MACROD2: variants seen among roughly 807,000 people sequenced by gnomAD.
The protein encoded by MACROD2 is mono-ADP ribosylhydrolase 2, also known as ADP-ribose glycohydrolase MACROD2.
In MACROD2, 36 loss-of-function variants were observed where a neutral mutation model predicts 70.4. The ratio of observed to expected loss-of-function variants is 0.51; its 90% CI spans 0.39 to 0.68. The LOEUF (loss-of-function observed/expected upper bound fraction) is 0.68. Among genes scored for constraint, MACROD2 ranks in the 30% least tolerant of loss-of-function variants. The pLI is 0.00. For synonymous variants in MACROD2, 172 were observed against 178.8 expected, an observed-to-expected ratio of 0.96 and a Z score of 0.30; for missense variants, 496 against 538.4, an observed-to-expected ratio of 0.92 and a Z score of 0.78.
rs78548394 is a variant in MACROD2 at position 15,098,332 on chromosome 20, C to G, written c.419-131608C>G. 5.8e-4 allele frequency among the ~76,000 whole-genome samples: 89 copies of G among 152,258 alleles called. No individual in the cohort carries two copies. The East Asian group carries it at 0.017, about 28-fold the overall frequency. On this transcript the variant is annotated intron_variant, in intron 5 of 17. Coordinates refer to ENST00000684519, the MANE Select transcript of MACROD2 (RefSeq NM_001351661.2). ...GGATAGGGCTCTGTGATGATTCCAA[C>G]CTTTCTCACCTGAATTTGGGTGGCG...
In MACROD2 at chr20:15,531,079, A is replaced by T. The variant is rs538384867; in HGVS notation, c.645+31232A>T. ...ATAATTTTAAATATTAATAATTAAG[A>T]ATAGAGCAAGTGCTGCTGCCATTTA... On this transcript the variant is annotated intron_variant, in intron 8 of 17. Transcript: ENST00000684519. Among the ~76,000 whole-genome samples the T allele has an allele frequency of 2.0e-5, 3 of 151,620 alleles. No homozygotes were observed. In the South Asian group the frequency reaches 6.2e-4, roughly 31 times the overall value.
intron 3 of MACROD2, chr20:14,127,812 GAGA>G (rs2054671391): frequency 2.2e-6 from 1 of 462,324 alleles, no homozygotes; most frequent in African/African-American, 2.0e-5. Context: ...AGAGAAAGGA[GAGA>G]AGGAGAAAAA....
chr20:15,983,508 C>T (rs906515562), intron 13 of MACROD2, among the ~76,000 whole-genome samples: 5 of 152,132 alleles, frequency 3.3e-5, no homozygotes, highest in African/African-American at 1.2e-4. Context: ...TTCAGGTCTC[C>T]AAGGAATGCT....
chr20:14,945,742 C>T (rs1281730116), intron 5 of MACROD2, among the ~76,000 whole-genome samples: 1 of 152,026 alleles, frequency 6.6e-6, no homozygotes, highest in South Asian at 2.1e-4. Flanking sequence ...TAGCAAAGTA[C>T]TTGCATGGAA....
intron 6 of MACROD2, among the ~76,000 whole-genome samples, chr20:15,281,574 T>A (rs2077444868): frequency 6.6e-6 from 1 of 152,142 alleles, no homozygotes; most frequent in South Asian, 2.1e-4. Flanking sequence ...TCCAAAATTA[T>A]CTCCTTTAAC....
intron 8 of MACROD2, among the ~76,000 whole-genome samples, chr20:15,859,321 A>G (rs2064393590): frequency 1.3e-5 from 2 of 152,158 alleles, no homozygotes; most frequent in African/African-American, 2.4e-5. Flanking sequence ...TTTTACTGAA[A>G]AAAATCCACA....
At chr20:15,989,255 G>A (rs1187059272) in intron 15 of MACROD2, among the ~76,000 whole-genome samples, 1 of 152,118 alleles carries the variant, frequency 6.6e-6, no homozygotes, top group Non-Finnish European at 1.5e-5. Context: ...TGAATCTGTA[G>A]AAAGTCACAT....
chr20:15,663,432 C>T (rs1337026944), intron 8 of MACROD2, among the ~76,000 whole-genome samples: 1 of 151,882 alleles, frequency 6.6e-6, no homozygotes, highest in Non-Finnish European at 1.5e-5. Flanking sequence ...GAAAGGGTTT[C>T]ACCATGTTGC....
chr20:14,717,910 G>T (rs1027967759), intron 5 of MACROD2, among the ~76,000 whole-genome samples: 1 of 152,048 alleles, frequency 6.6e-6, no homozygotes, highest in Admixed American at 6.5e-5. Flanking sequence ...AGAAATAATT[G>T]TTCTCCCTAA....
chr20:14,080,502 A>G (rs980163174), intron 2 of MACROD2, among the ~76,000 whole-genome samples: 8 of 152,004 alleles, frequency 5.3e-5, no homozygotes, highest in African/African-American at 1.9e-4. Flanking sequence ...TTCCAGTAAA[A>G]CAAACTCAAA....
At chr20:15,093,715 G>T (rs1185177976) in intron 5 of MACROD2, among the ~76,000 whole-genome samples, 2 of 152,060 alleles carry the variant, frequency 1.3e-5, no homozygotes, top group Non-Finnish European at 2.9e-5. Flanking sequence ...TCATTCTGAT[G>T]ACATATACTT....
At chr20:14,559,757 A>G (rs1003837745) in intron 4 of MACROD2, among the ~76,000 whole-genome samples, 3 of 151,864 alleles carry the variant, frequency 2.0e-5, no homozygotes, top group African/African-American at 4.8e-5. Context: ...TCTCCATTCT[A>G]TAAGTTGACT....
In MACROD2 at chr20:14,982,347, T is replaced by C. The variant is rs148157811; in HGVS notation, c.419-247593T>C. On this transcript the variant is annotated intron_variant, in intron 5 of 17. Coordinates refer to ENST00000684519, the MANE Select transcript of MACROD2 (RefSeq NM_001351661.2). Reference sequence around the variant, plus strand: ...GAAAATTCCATTTTCTGAGGAGAAATTCAAGCTGGCTGCAGAAATTTGCAT... The same window carrying C: ...GAAAATTCCATTTTCTGAGGAGAAACTCAAGCTGGCTGCAGAAATTTGCAT... Among the ~76,000 whole-genome samples the C allele has an allele frequency of 3.5e-3, 537 of 152,220 alleles. 2 individuals are homozygous for C. Among genetic ancestry groups the C allele is most frequent in the African/African-American group, 0.012 (503 of 41,532 alleles).
intron 3 of MACROD2, among the ~76,000 whole-genome samples, chr20:14,305,450 C>A (rs1413820255): frequency 6.6e-6 from 1 of 152,004 alleles, no homozygotes; most frequent in Non-Finnish European, 1.5e-5. Context: ...GTGGAAGAGA[C>A]TGACTTGGAA....
chr20:15,329,506 G>A (rs781478321), intron 6 of MACROD2, among the ~76,000 whole-genome samples: 3 of 152,032 alleles, frequency 2.0e-5, no homozygotes, highest in Non-Finnish European at 2.9e-5. Flanking sequence ...GGAAGGCAGA[G>A]GTGAGAGGAC....
chr20:14,713,497 C>CAGAG (rs2071361749), intron 5 of MACROD2, among the ~76,000 whole-genome samples: 1 of 152,132 alleles, frequency 6.6e-6, no homozygotes, highest in South Asian at 2.1e-4. Flanking sequence ...GTTTTACCAC[C>CAGAG]TAATATATGT....
intron 8 of MACROD2, among the ~76,000 whole-genome samples, chr20:15,689,073 G>A (rs768190262): frequency 6.6e-6 from 1 of 152,244 alleles, no homozygotes; most frequent in African/African-American, 2.4e-5. Context: ...GGAGGCCAAG[G>A]CAGGCAGATC....
intron 8 of MACROD2, among the ~76,000 whole-genome samples, chr20:15,747,950 T>C (rs2051209566): frequency 6.6e-6 from 1 of 152,188 alleles, no homozygotes; most frequent in Non-Finnish European, 1.5e-5. Context: ...TCTGCTATCC[T>C]GTTTTATAGG....
intron 7 of MACROD2, among the ~76,000 whole-genome samples, chr20:15,444,730 A>C (rs1852126441): frequency 6.6e-6 from 1 of 152,080 alleles, no homozygotes; most frequent in Non-Finnish European, 1.5e-5. Flanking sequence ...GCCTCATGCA[A>C]ATTGCTTAAT....
Sources: allele counts gnomAD v4.1 joint callset (sites outside exome capture counted in the v4.1 genomes callset), GRCh38; gene constraint gnomAD v4.1.1; transcripts MANE v1.5; gene names NCBI Gene and HGNC (gene_info 2026-07-23, HGNC 2026-07-21).